MBD5: variants seen among roughly 807,000 people sequenced by gnomAD.
MBD5 encodes methyl-CpG binding domain protein 5, also known as methyl-CpG-binding domain protein 5.
Under a neutral mutation model 117.3 loss-of-function variants are expected in MBD5, and 13 were observed. The observed-to-expected ratio is 0.11, with a 90% CI of 0.07 to 0.18. The LOEUF (loss-of-function observed/expected upper bound fraction) is 0.18. Among genes scored for constraint, MBD5 ranks in the 10% least tolerant of loss-of-function variants. The pLI is 1.00. For missense variants in MBD5, 1,879 were observed against 2,093.8 expected, an observed-to-expected ratio of 0.90 and a Z score of 2.00; for synonymous variants, 727 against 766.4, an observed-to-expected ratio of 0.95 and a Z score of 0.85.
At chr2:148,143,896 A>T (rs964499474) in intron 1 of MBD5, among the ~76,000 whole-genome samples, 1 of 152,018 alleles carries the variant, frequency 6.6e-6, no homozygotes, top group Non-Finnish European at 1.5e-5. Flanking sequence ...TATTGTGAAT[A>T]GTGCCGCAAT....
intron 7 of MBD5, among the ~76,000 whole-genome samples, chr2:148,465,388 G>T (rs1340280802): frequency 6.6e-6 from 1 of 152,110 alleles, no homozygotes; most frequent in African/African-American, 2.4e-5. Flanking sequence ...GTAAGGGATA[G>T]AATATGAATG....
At chr2:148,188,824 T>A (rs1698743666) in intron 2 of MBD5, among the ~76,000 whole-genome samples, 1 of 151,922 alleles carries the variant, frequency 6.6e-6, no homozygotes, top group Admixed American at 6.6e-5. Flanking sequence ...ACGGGTGATT[T>A]CTGTATTTCC....
At chr2:148,255,444 C>T (rs1700563006) in intron 3 of MBD5, among the ~76,000 whole-genome samples, 1 of 152,192 alleles carries the variant, frequency 6.6e-6, no homozygotes. Context: ...GAGTAACATG[C>T]AAGTCATACT....
At position 148,490,529 on chromosome 2, in the gene MBD5, C is replaced by A; in HGVS notation, c.4897C>A (p.Pro1633Thr). Residue 1633 changes from proline to threonine, a missense_variant, in exon 11 of 14, where the codon CCT (proline) becomes ACT (threonine). Coordinates refer to ENST00000642680, the MANE Select transcript of MBD5 (RefSeq NM_001378120.1). Reference sequence around the variant, plus strand: ...CCAAATCAAAGGACTGACTTCCTGGCCTGGAAAATTAGTAAGAGAAGACGA... The same window carrying A: ...CCAAATCAAAGGACTGACTTCCTGGACTGGAAAATTAGTAAGAGAAGACGA... ...WGQIKGLTSW[P>T]GKLVREDDVH... 1 of 1,614,194 alleles carries A rather than the reference C, an allele frequency of 6.2e-7. No individual in the cohort carries two copies. Among genetic ancestry groups the A allele is most frequent in the Non-Finnish European group, 8.5e-7 (1 of 1,180,034 alleles).
chr2:148,045,974 C>CTTTT (rs59672002), intron 1 of MBD5, among the ~76,000 whole-genome samples: 10 of 77,482 alleles, frequency 1.3e-4, no homozygotes, highest in African/African-American at 1.6e-4. Flanking sequence ...AATGAAGTGC[C>CTTTT]TTTTTTTTTT....
At chr2:148,356,734 A>G (rs938650450) in intron 4 of MBD5, among the ~76,000 whole-genome samples, 2 of 151,998 alleles carry the variant, frequency 1.3e-5, no homozygotes, top group Non-Finnish European at 1.5e-5. Context: ...TCTCCATTAT[A>G]TAAAACATTC....
At chr2:148,162,619 G>T (rs1374457525) in intron 1 of MBD5, among the ~76,000 whole-genome samples, 1 of 152,042 alleles carries the variant, frequency 6.6e-6, no homozygotes, top group Non-Finnish European at 1.5e-5. Context: ...GTAAAAATTA[G>T]CAATAGTGTG....
chr2:148,104,823 C>G (rs1219750027), intron 1 of MBD5, among the ~76,000 whole-genome samples: 1 of 151,944 alleles, frequency 6.6e-6, no homozygotes, highest in Non-Finnish European at 1.5e-5. Flanking sequence ...TTACAAATTG[C>G]CTTCATTTGA....
rs556910071 is a variant in MBD5 at position 148,251,210 on chromosome 2, G to C, written c.-680+17815G>C. Among the ~76,000 whole-genome samples, 5 of 152,238 alleles carry C rather than the reference G, an allele frequency of 3.3e-5. No individual in the cohort carries two copies. The South Asian group carries it at 1.0e-3, about 32-fold the overall frequency. The stretch of plus-strand genomic sequence containing the variant: ...GAGCAATTATTTTATAACAAAAAGG[G>C]CTAGATTTTTCAGTCTAAATAAGGA... On this transcript the variant is annotated intron_variant, in intron 3 of 13. Coordinates refer to ENST00000642680, the MANE Select transcript of MBD5 (RefSeq NM_001378120.1).
intron 11 of MBD5, among the ~76,000 whole-genome samples, chr2:148,501,501 T>TTG (rs756584443): frequency 3.9e-5 from 6 of 151,980 alleles, no homozygotes; most frequent in Non-Finnish European, 7.4e-5. Context: ...TTTACTTAGA[T>TTG]TGTGTGTGTG....
chr2:148,034,258 G>T (rs915882821), intron 1 of MBD5, among the ~76,000 whole-genome samples: 6 of 152,162 alleles, frequency 3.9e-5, no homozygotes, highest in African/African-American at 1.4e-4. Context: ...AGAGGTCAGT[G>T]TACCTCTTAA....
At chr2:148,206,799 G>A (rs1699294002) in intron 2 of MBD5, among the ~76,000 whole-genome samples, 1 of 152,214 alleles carries the variant, frequency 6.6e-6, no homozygotes, top group African/African-American at 2.4e-5. Flanking sequence ...CAACAAAAAT[G>A]TTAAGTGAGG....
chr2:148,047,380 A>G (rs1166094010), intron 1 of MBD5, among the ~76,000 whole-genome samples: 1 of 152,252 alleles, frequency 6.6e-6, no homozygotes, highest in African/African-American at 2.4e-5. Context: ...ACCAAAAGAA[A>G]TGGAGTACAT....
intron 1 of MBD5, among the ~76,000 whole-genome samples, chr2:148,102,615 G>C (rs983722245): frequency 3.3e-5 from 5 of 150,024 alleles, no homozygotes; most frequent in Admixed American, 6.7e-5. Context: ...CAGTTATTTT[G>C]ATTTTGATTT....
intron 2 of MBD5, chr2:148,196,373 T>A (rs1373967193): frequency 1.3e-5 from 2 of 152,138 alleles, no homozygotes; most frequent in African/African-American, 4.8e-5. Flanking sequence ...TTTAAAATAT[T>A]TTTGTGCCAC....
At chr2:148,445,505 A>G (rs938692586) in intron 4 of MBD5, among the ~76,000 whole-genome samples, 1 of 151,236 alleles carries the variant, frequency 6.6e-6, no homozygotes, top group Non-Finnish European at 1.5e-5. Flanking sequence ...CATGGTGTAT[A>G]TGTGCCACAT....
intron 1 of MBD5, among the ~76,000 whole-genome samples, chr2:148,084,974 C>T (rs919564244): frequency 1.3e-5 from 2 of 152,156 alleles, no homozygotes; most frequent in African/African-American, 2.4e-5. Context: ...TTGACTCCAA[C>T]TACTGAGATA....
chr2:148,149,160 A>C (rs569032586), intron 1 of MBD5, among the ~76,000 whole-genome samples: 1 of 145,534 alleles, frequency 6.9e-6, no homozygotes, highest in Admixed American at 6.9e-5. Context: ...TCATTGTTCA[A>C]TTCCCACCTA....
In MBD5 at chr2:148,468,788, G is replaced by A. The variant is rs759201974; in HGVS notation, c.845G>A (p.Gly282Asp). The A allele has an allele frequency of 1.2e-5, 20 of 1,613,692 alleles. No homozygotes were observed. The East Asian group carries it at 4.2e-4, about 34-fold the overall frequency. ...PLSPPSVMLH[G>D]SPVQSSCAMA... ...TCTCCACCTTCAGTAATGCTACATGGTTCTCCTGTACAGTCATCCTGTGCA... is the reference window on the plus strand; with the variant it reads ...TCTCCACCTTCAGTAATGCTACATGATTCTCCTGTACAGTCATCCTGTGCA... Residue 282 changes from glycine to aspartate, a missense_variant, in exon 8 of 14, where the codon GGT (glycine) becomes GAT (aspartate). Around this residue, in one of 4 missense-constraint regions of MBD5, gnomAD observed 1,666 missense variants for 1,792.2 expected, o/e 0.93. Transcript: ENST00000642680.
Sources: gnomAD v4.1 joint callset for allele counts (sites outside exome capture counted in the v4.1 genomes callset) on GRCh38, gnomAD v4.1.1 for gene constraint, gnomAD v4.1.1 regional missense constraint, MANE v1.5 for transcripts, NCBI Gene and HGNC (gene_info 2026-07-23, HGNC 2026-07-21) for gene names.